Variants in KLHL6 observed in about 807,000 individuals in gnomAD.
KLHL6 encodes the protein kelch-like protein 6.
KLHL6 carries 41 observed loss-of-function variants against 58.6 expected under a neutral mutation model. The ratio of observed to expected loss-of-function variants is 0.70; its 90% CI spans 0.55 to 0.91. The LOEUF is 0.91. Ranked by LOEUF, KLHL6 falls within the 40% of genes least tolerant of loss-of-function variation. The probability of loss-of-function intolerance (pLI) is 0.00; values close to 1 mark genes in which losing one functional copy is unlikely to be tolerated. For missense variants in KLHL6, 714 were observed against 805.6 expected (o/e 0.89, Z 1.38); for synonymous variants, 338 against 322.7 (o/e 1.05, Z -0.51).
At chr3:183,539,311 G>T (rs1712473147) in intron 1 of KLHL6, among the ~76,000 whole-genome samples, 1 of 152,138 alleles carries the variant, frequency 6.6e-6, no homozygotes. Flanking sequence ...CCCGAATCAG[G>T]TGGCAATCCC....
At chr3:183,550,020 A>T (rs59997668) in intron 1 of KLHL6, among the ~76,000 whole-genome samples, 5 of 152,310 alleles carry the variant, frequency 3.3e-5, no homozygotes, top group South Asian at 2.1e-4. Flanking sequence ...GTGGTTTTTT[A>T]AAAAATATAA....
chr3:183,521,690 T>A (rs1711765572), intron 2 of KLHL6: 1 of 126,158 alleles, frequency 7.9e-6, no homozygotes. Context: ...AAGACCTACC[T>A]GATTTTTTTT....
chr3:183,513,927 G>A (rs575023120), intron 2 of KLHL6, among the ~76,000 whole-genome samples: 3 of 152,228 alleles, frequency 2.0e-5, no homozygotes, highest in South Asian at 2.1e-4. Context: ...GTGTCCATGT[G>A]TTCTCATTGT....
intron 2 of KLHL6, among the ~76,000 whole-genome samples, chr3:183,516,896 T>C (rs1426258611): frequency 6.6e-6 from 1 of 152,248 alleles, no homozygotes; most frequent in Non-Finnish European, 1.5e-5. Flanking sequence ...AAAGTATTTC[T>C]GAATTCATTG....
intron 2 of KLHL6, among the ~76,000 whole-genome samples, chr3:183,513,745 G>A (rs1464999202): frequency 6.6e-6 from 1 of 151,910 alleles, no homozygotes. Flanking sequence ...TGGGACACTC[G>A]TGCAGAATGT....
chr3:183,498,539 T>G (rs956028788), intron 4 of KLHL6, among the ~76,000 whole-genome samples: 1 of 152,238 alleles, frequency 6.6e-6, no homozygotes, highest in African/African-American at 2.4e-5. Context: ...GTGTGCGACC[T>G]TAGGTATGTC....
intron 2 of KLHL6, among the ~76,000 whole-genome samples, chr3:183,509,112 A>AGG (rs1225280702): frequency 2.6e-5 from 4 of 152,214 alleles, no homozygotes; most frequent in African/African-American, 9.6e-5. Context: ...AAAGAGAGAG[A>AGG]GAAGGAGAGG....
At chr3:183,545,474 G>T (rs1329352615) in intron 1 of KLHL6, among the ~76,000 whole-genome samples, 1 of 152,208 alleles carries the variant, frequency 6.6e-6, no homozygotes, top group Admixed American at 6.5e-5. Flanking sequence ...TTTCTCTGTT[G>T]TGTTTTAGTT....
At chr3:183,511,688 A>T (rs1263939234) in intron 2 of KLHL6, among the ~76,000 whole-genome samples, 1 of 152,196 alleles carries the variant, frequency 6.6e-6, no homozygotes, top group Non-Finnish European at 1.5e-5. Flanking sequence ...TACCGAGCAT[A>T]CTGCCTGTAA....
chr3:183,534,406 T>A (rs911918009), intron 1 of KLHL6, among the ~76,000 whole-genome samples: 1 of 152,232 alleles, frequency 6.6e-6, no homozygotes, highest in East Asian at 1.9e-4. Flanking sequence ...ATTTTTTGTT[T>A]GTTTGTTTGT....
In KLHL6 at chr3:183,492,843, T is replaced by TTG; in HGVS notation, c.1351-138_1351-137dup. On this transcript the variant is annotated intron_variant, in intron 5 of 6. Transcript: ENST00000341319. The surrounding 1 kb of genome is among the most constrained non-coding windows in gnomAD (Gnocchi z 5.9). Reference sequence around the variant, plus strand: ...GCCTATAGTCACAAGGCCCATGGGCTTGACTCCTCTTAAGACACAGCAAGA... The same window carrying TTG: ...GCCTATAGTCACAAGGCCCATGGGCTTGTGACTCCTCTTAAGACACAGCAAGA... 1.4e-6 allele frequency: 1 copy of TTG among 698,710 alleles called. No individual in the cohort carries two copies. Among genetic ancestry groups the TTG allele is most frequent in the Non-Finnish European group, 2.4e-6 (1 of 418,316 alleles). The allele number at this position is 698,710 out of a possible 1,614,324, so 43.3% of individuals were successfully genotyped here.
intron 2 of KLHL6, among the ~76,000 whole-genome samples, chr3:183,508,865 AAC>A (rs963760377): frequency 3.0e-4 from 46 of 152,372 alleles, no homozygotes; most frequent in African/African-American, 1.1e-3. Flanking sequence ...AGATACTTAA[AAC>A]ACATGTTGTA....
chr3:183,529,993 T>G (rs924810707), intron 1 of KLHL6, among the ~76,000 whole-genome samples: 2 of 152,060 alleles, frequency 1.3e-5, no homozygotes, highest in Non-Finnish European at 2.9e-5. Context: ...AAGGTGGCCA[T>G]CTGCAAGCCA....
chr3:183,492,363 T>A lies in KLHL6; in HGVS notation c.1564+131A>T. ...AGAAACAGTCGATTGATGGCTCTCCTGAAAGCCAGAGTGGGTCCTAGGGGC... is the reference window on the plus strand; with the variant it reads ...AGAAACAGTCGATTGATGGCTCTCCAGAAAGCCAGAGTGGGTCCTAGGGGC... On this transcript the variant is annotated intron_variant, in intron 6 of 6. Transcript: ENST00000341319. The surrounding 1 kb of genome is among the most constrained non-coding windows in gnomAD (Gnocchi z 5.9). 1 of 1,299,682 alleles carries A rather than the reference T, an allele frequency of 7.7e-7. No individual in the cohort carries two copies. Among genetic ancestry groups the A allele is most frequent in the Non-Finnish European group, 1.1e-6 (1 of 940,662 alleles). 80.5% of individuals were successfully genotyped at this position (1,299,682 alleles called of 1,614,324 possible).
intron 1 of KLHL6, among the ~76,000 whole-genome samples, chr3:183,544,960 C>A (rs1217281704): frequency 1.3e-5 from 2 of 152,038 alleles, no homozygotes; most frequent in Non-Finnish European, 2.9e-5. Context: ...TAGAGAAAGT[C>A]CCTCATTTTC....
intron 3 of KLHL6, among the ~76,000 whole-genome samples, chr3:183,501,078 GT>G (rs1351131884): frequency 5.3e-5 from 8 of 152,368 alleles, no homozygotes; most frequent in African/African-American, 1.9e-4. Flanking sequence ...CGGCCGTAAA[GT>G]TTGTGGCAGG....
intron 1 of KLHL6, among the ~76,000 whole-genome samples, chr3:183,554,246 T>C (rs1043857703): frequency 1.3e-5 from 2 of 152,170 alleles, no homozygotes; most frequent in Admixed American, 1.3e-4. Context: ...CCCAGGGACG[T>C]GCTCATGGGA....
rs141316683 is a variant in KLHL6, at chr3:183,508,325, C to T, written c.643G>A (p.Val215Met). The T allele has an allele frequency of 2.1e-5, 34 of 1,614,060 alleles. No homozygotes were observed. The highest frequency in any genetic ancestry group is 2.5e-5 in the Non-Finnish European group (30 of 1,180,034). Residue 215 changes from valine to methionine, a missense_variant, in exon 3 of 7, where the codon GTG becomes ATG. By Grantham distance (21) the Val-to-Met change is conservative (BLOSUM62 1). Around this residue, in one of 2 missense-constraint regions of KLHL6, gnomAD observed 510 missense variants for 629.7 expected, o/e 0.81. Coordinates refer to ENST00000341319, the MANE Select transcript of KLHL6 (RefSeq NM_130446.4). ...LNSEEFLDLP[V>M]DTLHHILKSD... is the part of the protein sequence containing the mutation. ...TTCAAGATGTGGTGCAGAGTGTCCA[C>T]GGGCAGGTCAAGAAACTCCTCAGAG...
In KLHL6 at chr3:183,527,855, T is replaced by C. The variant is rs752712443; in HGVS notation, c.449A>G (p.Asn150Ser). ...QNVQRVLEAA[N>S]LFQFLRMVDA... is the part of the protein sequence containing the mutation. ...AGTTTGTTCACACACCTGGAAGAGGTTAGCAGCCTCCAGGACCCGCTGGAC... is the reference window on the plus strand; with the variant it reads ...AGTTTGTTCACACACCTGGAAGAGGCTAGCAGCCTCCAGGACCCGCTGGAC... The change falls in exon 2 of 7, where the codon AAC (asparagine) becomes AGC (serine). Residue 150 changes from asparagine to serine, a missense_variant. Transcript: ENST00000341319. The C allele has an allele frequency of 1.2e-6, 2 of 1,613,804 alleles. No individual in the cohort carries two copies. Among genetic ancestry groups the C allele is most frequent in the Admixed American group, 1.7e-5 (1 of 59,978 alleles).
Sources: gnomAD v4.1 joint callset for allele counts (sites outside exome capture counted in the v4.1 genomes callset) on GRCh38, gnomAD v4.1.1 for gene constraint, gnomAD v4.1.1 regional missense constraint, Gnocchi (gnomAD v3.1) non-coding constraint, MANE v1.5 for transcripts, NCBI Gene and HGNC (gene_info 2026-07-23, HGNC 2026-07-21) for gene names.